The following STAU1 variants were observed in gnomAD, a reference collection of about 807,000 sequenced individuals.
The protein encoded by STAU1 is double-stranded RNA-binding protein Staufen homolog 1.
Under a neutral mutation model 62.9 loss-of-function variants are expected in STAU1, and 13 were observed. The ratio of observed to expected loss-of-function variants is 0.21; its 90% CI spans 0.13 to 0.33. The LOEUF is 0.33. Ranked by LOEUF, STAU1 falls within the 10% of genes least tolerant of loss-of-function variation. The pLI is 1.00. For missense variants in STAU1, 571 were observed against 712.1 expected (o/e 0.80, Z 2.25); for synonymous variants, 269 against 265.1 (o/e 1.01, Z -0.14).
intron 5 of STAU1, among the ~76,000 whole-genome samples, chr20:49,143,925 C>A (rs943068106): frequency 6.6e-6 from 1 of 152,212 alleles, no homozygotes; most frequent in Non-Finnish European, 1.5e-5. Flanking sequence ...TGGGGCACAG[C>A]CCACCTGTAG....
At chr20:49,152,512 T>C (rs941788837) in intron 4 of STAU1, among the ~76,000 whole-genome samples, 1 of 151,874 alleles carries the variant, frequency 6.6e-6, no homozygotes, top group Non-Finnish European at 1.5e-5. Context: ...CCTGTATTTT[T>C]AGTATTTTTA....
intron 8 of STAU1, among the ~76,000 whole-genome samples, chr20:49,121,878 C>T (rs1376953402): frequency 6.6e-6 from 1 of 152,184 alleles, no homozygotes; most frequent in African/African-American, 2.4e-5. Context: ...TAACAGGCAC[C>T]TGGCTGCTAA....
intron 5 of STAU1, among the ~76,000 whole-genome samples, chr20:49,147,712 T>C (rs533259310): frequency 6.6e-6 from 1 of 152,356 alleles, no homozygotes; most frequent in African/African-American, 2.4e-5. Context: ...ATCAAGTCCC[T>C]GTTGGAAAAT....
At chr20:49,200,838 C>G in the STAU1 span, among the ~76,000 whole-genome samples, 4 of 151,226 alleles carry the variant, frequency 2.6e-5, no homozygotes, top group Non-Finnish European at 4.4e-5. Flanking sequence ...AGTTTGAGAC[C>G]AGCCTGGGCA....
chr20:49,169,313 C>T (rs1478287947), intron 2 of STAU1, among the ~76,000 whole-genome samples: 1 of 152,120 alleles, frequency 6.6e-6, no homozygotes. Context: ...GAACAGACAT[C>T]ACAGTGATGA....
chr20:49,177,127 G>C (rs2093669714), intron 1 of STAU1, among the ~76,000 whole-genome samples: 1 of 151,936 alleles, frequency 6.6e-6, no homozygotes, highest in Admixed American at 6.6e-5. Flanking sequence ...AGCCAGGCTG[G>C]TCTCGATCTC....
intron 1 of STAU1, among the ~76,000 whole-genome samples, chr20:49,175,968 G>C (rs1414020962): frequency 2.0e-5 from 3 of 151,396 alleles, no homozygotes; most frequent in Non-Finnish European, 4.4e-5. Flanking sequence ...CTAATTTTTT[G>C]TATTTTTAGT....
intron 2 of STAU1, among the ~76,000 whole-genome samples, chr20:49,171,611 T>C (rs2146456857): frequency 6.6e-6 from 1 of 152,320 alleles, no homozygotes; most frequent in South Asian, 2.1e-4. Flanking sequence ...CTAAGATTCT[T>C]TTCTGACACA....
intron 5 of STAU1, among the ~76,000 whole-genome samples, chr20:49,141,014 GA>G (rs1326351153): frequency 6.8e-6 from 1 of 148,104 alleles, no homozygotes; most frequent in East Asian, 2.0e-4. Flanking sequence ...CACATGCTAA[GA>G]ACTGTGCCAA....
chr20:49,122,818 G>A (rs1229104282), intron 8 of STAU1, among the ~76,000 whole-genome samples: 1 of 152,170 alleles, frequency 6.6e-6, no homozygotes, highest in East Asian at 1.9e-4. Flanking sequence ...TCGGGAGGCT[G>A]AGGCAGGAGA....
intron 2 of STAU1, among the ~76,000 whole-genome samples, chr20:49,171,442 C>CCCG (rs927630406): frequency 7.2e-5 from 11 of 152,180 alleles, no homozygotes; most frequent in Non-Finnish European, 1.5e-4. Flanking sequence ...ACTACAGGTG[C>CCCG]CCGCCACCAC....
upstream of STAU1, among the ~76,000 whole-genome samples, chr20:49,189,245 A>G (rs1376405977): frequency 7.0e-6 from 1 of 143,852 alleles, no homozygotes; most frequent in Admixed American, 7.1e-5. Context: ...AAAAAAGACG[A>G]GAAGTGCCAG....
the STAU1 span, among the ~76,000 whole-genome samples, chr20:49,194,794 G>T: frequency 6.6e-6 from 1 of 151,978 alleles, no homozygotes; most frequent in East Asian, 1.9e-4. Flanking sequence ...GGCCAGGCTG[G>T]TCTCCAACTC....
chr20:49,192,933 GA>G (rs1180195441), upstream of STAU1, among the ~76,000 whole-genome samples: 3 of 152,288 alleles, frequency 2.0e-5, no homozygotes, highest in East Asian at 5.8e-4. Flanking sequence ...AGAACTTTCT[GA>G]AAACTCCTGA....
chr20:49,148,284 T>C (rs1402745720), intron 5 of STAU1, among the ~76,000 whole-genome samples: 1 of 152,190 alleles, frequency 6.6e-6, no homozygotes, highest in African/African-American at 2.4e-5. Context: ...ATGCAACGTG[T>C]CGCAGTCAAA....
At chr20:49,208,366 TA>T in the STAU1 span, among the ~76,000 whole-genome samples, 2 of 151,706 alleles carry the variant, frequency 1.3e-5, no homozygotes, top group Admixed American at 1.3e-4. Flanking sequence ...CCTATATATA[TA>T]TTTTTTTGTA....
intron 3 of STAU1, among the ~76,000 whole-genome samples, chr20:49,164,786 A>G (rs2093501001): frequency 1.3e-5 from 2 of 152,110 alleles, no homozygotes; most frequent in Admixed American, 1.3e-4. Flanking sequence ...ATAAGAAAGG[A>G]AAGAAGAGAA....
At chr20:49,121,669 CATAT>C (rs202125307) in intron 8 of STAU1, among the ~76,000 whole-genome samples, 1 of 152,140 alleles carries the variant, frequency 6.6e-6, no homozygotes, top group Admixed American at 6.5e-5. Flanking sequence ...ATAAAACACA[CATAT>C]ATGTCAGTAT....
At chr20:49,118,123 G>T in intron 10 of STAU1, 27 bp from the exon 11 acceptor site, 1 of 1,600,572 alleles carries the variant, frequency 6.2e-7, no homozygotes, top group South Asian at 1.1e-5. Flanking sequence ...CGGTAAACAC[G>T]AATCCACATC....
Sources: gnomAD v4.1 joint callset for allele counts (sites outside exome capture counted in the v4.1 genomes callset) on GRCh38, gnomAD v4.1.1 for gene constraint, MANE v1.5 for transcripts, NCBI Gene and HGNC (gene_info 2026-07-23, HGNC 2026-07-21) for gene names.